Variants in MYH6 observed in about 807,000 individuals in gnomAD.
MYH6 encodes the protein myosin-6.
A neutral mutation model predicts 223.2 loss-of-function variants in MYH6; 126 were observed. The observed-to-expected ratio is 0.56, with a 90% CI of 0.49 to 0.65. The LOEUF is 0.65. Ranked by LOEUF, MYH6 falls within the 30% of genes least tolerant of loss-of-function variation. The pLI, the probability that MYH6 is intolerant of heterozygous loss-of-function variation, is 0.00. For synonymous variants in MYH6, 978 were observed against 1,010.2 expected, an observed-to-expected ratio of 0.97 and a Z score of 0.61; for missense variants, 2,040 against 2,536.4, an observed-to-expected ratio of 0.80 and a Z score of 4.20.
Position 23,404,885 on chromosome 14 carries a change from A to G in MYH6, c.531-63T>C, listed in dbSNP as rs1488839041. Reference sequence around the variant, plus strand: ...TACTGTTCTCCATACAGGGCTCAGCATCACATGCTCCCCTTCCCAGCCTGG... The same window carrying G: ...TACTGTTCTCCATACAGGGCTCAGCGTCACATGCTCCCCTTCCCAGCCTGG... On this transcript the variant is annotated intron_variant, in intron 6 of 38. Transcript: ENST00000405093. 6.5e-6 allele frequency: 10 copies of G among 1,543,240 alleles called. 1 individual carries two copies. In the South Asian group the frequency reaches 1.0e-4, roughly 16 times the overall value.
At position 23,397,186 on chromosome 14, in the gene MYH6, A is replaced by T; in HGVS notation, c.2034T>A (p.Asn678Lys). ...CTGGCTCACCTGGAGCCTTCCGCTC[A>T]TTGGGGATGATGCAACGCACAAAGT... ...HPHFVRCIIP[N>K]ERKAPGVMDN... The change falls in exon 17 of 39, where the codon AAT (asparagine) becomes AAA (lysine). Residue 678 changes from asparagine to lysine, a missense_variant. By Grantham distance (94) the Asn-to-Lys change is moderately conservative (BLOSUM62 0). Around this residue, in one of 4 missense-constraint regions of MYH6, gnomAD observed 649 missense variants for 877.3 expected, o/e 0.74. Coordinates refer to ENST00000405093, the MANE Select transcript of MYH6 (RefSeq NM_002471.4). The T allele has an allele frequency of 6.2e-7, 1 of 1,614,196 alleles. No individual in the cohort carries two copies. The highest frequency in any genetic ancestry group is 8.5e-7 in the Non-Finnish European group (1 of 1,180,036).
intron 27 of MYH6, 38 bp downstream of exon 27, chr14:23,389,555 G>A (rs775559758): frequency 5.6e-6 from 9 of 1,614,230 alleles, no homozygotes; most frequent in Non-Finnish European, 7.6e-6. Context: ...CACAAGTCAT[G>A]TCCTGCCCTA....
rs1891013324 is a variant in MYH6, at chr14:23,386,143, G to A, written c.4960-12C>T. The A allele has an allele frequency of 1.2e-6, 2 of 1,614,210 alleles. No individual in the cohort carries two copies. Among genetic ancestry groups the A allele is most frequent in the Admixed American group, 1.7e-5 (1 of 60,034 alleles). The stretch of plus-strand genomic sequence containing the variant: ...TGGATCTGGGTGTCCTGAGCATCAG[G>A]AGAGTGGGTGTGAGCAGAAGCCAGC... On this transcript the variant is annotated splice_polypyrimidine_tract_variant and intron_variant, in intron 33 of 38. Transcript: ENST00000405093.
chr14:23,390,498 A>G (rs760955706), intron 25 of MYH6, 52 bp from the exon 26 acceptor site: 4 of 1,595,474 alleles, frequency 2.5e-6, no homozygotes, highest in Non-Finnish European at 3.4e-6. Context: ...CTCCACTGGA[A>G]TCCCCCCGGC....
In MYH6 at chr14:23,405,921, T is replaced by C; in HGVS notation, c.202-151A>G. ...CCCCGGCCCCTACCCCGATGTCCCC[T>C]GGGACACTTTCCCCAGGTAATTTCC... On this transcript the variant is annotated intron_variant, in intron 3 of 38. Coordinates refer to ENST00000405093, the MANE Select transcript of MYH6 (RefSeq NM_002471.4). The surrounding 1 kb of genome is among the most constrained non-coding windows in gnomAD (Gnocchi z 4.7). 2 of 895,234 alleles carry C rather than the reference T, an allele frequency of 2.2e-6. No homozygotes were observed. Among genetic ancestry groups the C allele is most frequent in the Non-Finnish European group, 1.8e-6 (1 of 556,540 alleles). The allele number at this position is 895,234 out of a possible 1,614,324, so 55.5% of individuals were successfully genotyped here. A position where few individuals can be genotyped will look rare whatever the true frequency, so the allele number is the denominator to read the frequency against.
In MYH6 at chr14:23,398,828, T is replaced by A. The variant is rs1252826013; in HGVS notation, c.1791A>T (p.Lys597Asn). The part of the protein sequence containing the change: ...VDYNILGWLE[K>N]NKDPLNETVV... ...CAGTCTCGTTGAGAGGATCCTTGTT[T>A]TTTTCCAGCCAGCCCAGGATGTTGT... Residue 597 changes from lysine (K) to asparagine (N), a missense_variant, in exon 15 of 39, where the codon AAA (lysine) becomes AAT (asparagine). Physicochemically the swap from Lys to Asn is moderately conservative, Grantham distance 94. This residue lies in a region of MYH6 where 649 missense variants were observed against 877.3 expected (regional missense o/e 0.74). Coordinates refer to ENST00000405093, the MANE Select transcript of MYH6 (RefSeq NM_002471.4). The A allele has an allele frequency of 3.7e-6, 6 of 1,614,066 alleles. No homozygotes were observed. Among genetic ancestry groups the A allele is most frequent in the African/African-American group, 1.3e-5 (1 of 74,924 alleles).
chr14:23,386,726 G>C, intron 32 of MYH6, 103 bp from the exon 33 acceptor site: 1 of 1,361,576 alleles, frequency 7.3e-7, no homozygotes, highest in African/African-American at 1.4e-5. Flanking sequence ...GCCCAGAGAA[G>C]AAGAGCTGAG....
At position 23,404,830 on chromosome 14, in the gene MYH6, C is replaced by T. The variant is rs1346329041; in HGVS notation, c.531-8G>A. 1.9e-6 allele frequency: 3 copies of T among 1,610,162 alleles called. No homozygotes were observed. The South Asian group carries it at 3.3e-5, about 18-fold the overall frequency. ...CCCGCCCCGGATTCTCCCCTGGGGG[C>T]CACAGAGACCAATCAAAACTCAGGA... is the stretch of plus-strand genomic sequence containing the variant. On this transcript the variant is annotated splice_region_variant and splice_polypyrimidine_tract_variant and intron_variant, in intron 6 of 38. Transcript: ENST00000405093.
chr14:23,397,356 G>A, intron 16 of MYH6, 99 bp from the exon 17 acceptor site: 1 of 1,341,596 alleles, frequency 7.5e-7, no homozygotes. Flanking sequence ...ATCATCAAAG[G>A]GACAGGGGCT....
In MYH6 at chr14:23,396,694, C is replaced by T; in HGVS notation, c.2292G>A (p.Lys764=). ...CCACCCAGTGGGGCTCTAGACTCAC[C>T]TTGGTGTGGCCAAACTTGTACTGGT... ...DHNQYKFGHT[K]VFFKAGLLGL... Residue 764 remains lysine, a splice_region_variant and synonymous_variant, in exon 19 of 39, where the codon AAG becomes AAA. Coordinates refer to ENST00000405093, the MANE Select transcript of MYH6 (RefSeq NM_002471.4). 1 of 1,614,020 alleles carries T rather than the reference C, an allele frequency of 6.2e-7. No individual in the cohort carries two copies. The highest frequency in any genetic ancestry group is 8.5e-7 in the Non-Finnish European group (1 of 1,179,874).
intron 29 of MYH6, 83 bp downstream of exon 29, chr14:23,388,776 A>T: frequency 1.3e-6 from 2 of 1,597,144 alleles, no homozygotes; most frequent in Admixed American, 3.3e-5. Flanking sequence ...CTTCCGTCTC[A>T]TGACCACTTT....
chr14:23,403,541 C>G, intron 9 of MYH6, 95 bp from the exon 10 acceptor site: 1 of 1,221,590 alleles, frequency 8.2e-7, no homozygotes. Context: ...GGGGCACCCA[C>G]AGCTTGATGA....
chr14:23,387,411 G>C, intron 32 of MYH6, 118 bp downstream of exon 32: 1 of 1,522,046 alleles, frequency 6.6e-7, no homozygotes. Context: ...AGATAATGTT[G>C]AACAAAGAAT....
At chr14:23,402,256 A>G (rs1891624224) in intron 12 of MYH6, among the ~76,000 whole-genome samples, 1 of 152,012 alleles carries the variant, frequency 6.6e-6, no homozygotes, top group African/African-American at 2.4e-5. Context: ...AAAATTCCCC[A>G]CCTCAGTTCT....
At chr14:23,408,165 C>A in intron 1 of MYH6, 88 bp downstream of exon 1, 1 of 922,648 alleles carries the variant, frequency 1.1e-6, no homozygotes, top group Non-Finnish European at 1.3e-6. Flanking sequence ...TCCAACTGAC[C>A]TGCACCCCAC....
chr14:23,383,339 G>GGGGGGGGGGGCCGCCCCCCC lies in MYH6; in HGVS notation c.5566-20_5566-19insGGGGGGGCGGCCCCCCCCCC. 1 of 108,202 alleles carries GGGGGGGGGGGCCGCCCCCCC rather than the reference G, an allele frequency of 9.2e-6. No homozygotes were observed. Among genetic ancestry groups the GGGGGGGGGGGCCGCCCCCCC allele is most frequent in the Non-Finnish European group, 1.8e-5 (1 of 54,384 alleles). 6.7% of individuals were successfully genotyped at this position (108,202 alleles called of 1,614,324 possible). A position where few individuals can be genotyped will look rare whatever the true frequency, so the allele number is the denominator to read the frequency against. On this transcript the variant is annotated intron_variant, in intron 36 of 38. Coordinates refer to ENST00000405093, the MANE Select transcript of MYH6 (RefSeq NM_002471.4). ...CCTCTGTCTGGGGGTGGGAGGGTGG[G>GGGGGGGGGGGCCGCCCCCCC]AGAAGCTGGTTTGGAGGGGGAGCAA...
chr14:23,394,196 T>C lies in MYH6; in HGVS notation c.2557A>G (p.Thr853Ala). Residue 853 changes from threonine (T) to alanine (A), a missense_variant, in exon 21 of 39, where the codon ACC becomes GCC. Physicochemically the swap from Thr to Ala is moderately conservative, Grantham distance 58. Transcript: ENST00000405093. ...ATGCGCCCGAACTCTTCCTTCATGG[T>C]GGCCATCTCCTTCTCCGTCTCTGCG... ...KSAETEKEMATMKEEFGRIKE... is the reference protein window; with the variant it reads ...KSAETEKEMAAMKEEFGRIKE... 1 of 1,614,256 alleles carries C rather than the reference T, an allele frequency of 6.2e-7. No individual in the cohort carries two copies. Among genetic ancestry groups the C allele is most frequent in the Non-Finnish European group, 8.5e-7 (1 of 1,180,050 alleles).
In MYH6 at chr14:23,381,990, G is replaced by A. The variant is rs778370797; in HGVS notation, c.*50C>T. The A allele has an allele frequency of 6.2e-7, 1 of 1,614,018 alleles. No homozygotes were observed. The highest frequency in any genetic ancestry group is 8.5e-7 in the Non-Finnish European group (1 of 1,179,908). On this transcript the variant is annotated 3_prime_UTR_variant, in exon 39 of 39. Transcript: ENST00000405093. ...GGACAGATGGGCTCAGGCAGAGTTT[G>A]GCACTCATATTTATTACAGGTTGGC...
In MYH6 at chr14:23,386,465, C is replaced by T. The variant is rs1891026313; in HGVS notation, c.4809G>A (p.Leu1603=). ...CGTTGCGGCTGCGTGTCTCTGCATC[C>T]AGGGAGGTCTGCAGCGAGTCCACCA... is the stretch of plus-strand genomic sequence containing the variant. ...QRVVDSLQTS[L]DAETRSRNEV... The change falls in exon 33 of 39, where the codon CTG becomes CTA. Residue 1603 remains leucine (L), a synonymous_variant. Transcript: ENST00000405093. 7 of 1,614,176 alleles carry T rather than the reference C, an allele frequency of 4.3e-6. No homozygotes were observed. Among genetic ancestry groups the T allele is most frequent in the Non-Finnish European group, 4.2e-6 (5 of 1,180,034 alleles).
Sources: gnomAD v4.1 joint callset for allele counts (sites outside exome capture counted in the v4.1 genomes callset) on GRCh38, gnomAD v4.1.1 for gene constraint, gnomAD v4.1.1 regional missense constraint, Gnocchi (gnomAD v3.1) non-coding constraint, MANE v1.5 for transcripts, NCBI Gene and HGNC (gene_info 2026-07-23, HGNC 2026-07-21) for gene names.